MPI: variants seen among roughly 807,000 people sequenced by gnomAD.
MPI encodes the protein mannose-6-phosphate isomerase.
Under a neutral mutation model 40.1 loss-of-function variants are expected in MPI, and 33 were observed. The ratio of observed to expected loss-of-function variants is 0.82; its 90% CI spans 0.62 to 1.10. The LOEUF (loss-of-function observed/expected upper bound fraction) is 1.10, where lower values mean the gene tolerates loss of function less well. Ranked by LOEUF, MPI falls within the 50% of genes least tolerant of loss-of-function variation. MPI has a pLI of 0.00. For synonymous variants in MPI, 187 were observed against 207.4 expected (o/e 0.90, Z 0.85); for missense variants, 514 against 524.1 (o/e 0.98, Z 0.19).
chr15:74,896,523 T>G (rs2064821168), intron 6 of MPI, 198 bp downstream of exon 6: 1 of 709,906 alleles, frequency 1.4e-6, no homozygotes. Flanking sequence ...CCTTGAATCC[T>G]GACACCAACC....
Position 74,891,497 on chromosome 15 carries a change from AC to A in MPI, c.264del (p.Asp88GlufsTer71), listed in dbSNP as rs868127074. The A allele has an allele frequency of 2.5e-6, 4 of 1,614,124 alleles. No individual in the cohort carries two copies. The African/African-American group carries it at 5.3e-5, about 22-fold the overall frequency. On this transcript the variant is annotated frameshift_variant, in exon 3 of 8. Transcript: ENST00000352410. LOFTEE classifies it high-confidence loss of function. ...NQDSLGSKVK[D>X]TFNGNLPFLF... Reference sequence around the variant, plus strand: ...GACAGCTTGGGCTCAAAGGTCAAGGACACCTTTAATGGCAACCTGCCCTTCC... The same window carrying A: ...GACAGCTTGGGCTCAAAGGTCAAGGAACCTTTAATGGCAACCTGCCCTTCC...
chr15:74,895,003 GT>G (rs1219487776), intron 5 of MPI, among the ~76,000 whole-genome samples: 2 of 149,068 alleles, frequency 1.3e-5, no homozygotes, highest in Non-Finnish European at 3.0e-5. Context: ...GTCTCGCTGT[GT>G]CACCCAGGCT....
At chr15:74,894,716 G>A (rs914710497) in intron 5 of MPI, among the ~76,000 whole-genome samples, 2 of 150,954 alleles carry the variant, frequency 1.3e-5, no homozygotes, top group African/African-American at 4.9e-5. Context: ...GAACCCAGGA[G>A]GTGGAGGTTG....
At chr15:74,896,425 A>G (rs1419281646) in intron 6 of MPI, 100 bp downstream of exon 6, 8 of 1,372,504 alleles carry the variant, frequency 5.8e-6, no homozygotes, top group Non-Finnish European at 8.1e-6. Context: ...GAGACCCCCA[A>G]GGACCTTGCA....
rs139228075 is a variant in MPI, at chr15:74,891,537, C to T, written c.303C>T (p.Leu101=). Residue 101 remains leucine (L), a synonymous_variant, in exon 3 of 8, where the codon CTC becomes CTT. Transcript: ENST00000352410. The part of the protein sequence containing the change: ...NGNLPFLFKV[L]SVETPLSIQA... ...ACCTGCCCTTCCTCTTCAAAGTGCT[C>T]TCAGTTGAAACACCCCTGTCCATCC... The T allele has an allele frequency of 3.5e-3, 5,633 of 1,614,188 alleles. 14 individuals are homozygous for T. The highest frequency in any genetic ancestry group is 4.5e-3 in the Non-Finnish European group (5,266 of 1,180,028).
At chr15:74,896,640 G>T (rs745759035) in intron 6 of MPI, 1 of 612,224 alleles carries the variant, frequency 1.6e-6, no homozygotes, top group Non-Finnish European at 2.9e-6. Context: ...CACAGCCTTT[G>T]TATGTCTGTC....
rs994430536 is a variant in MPI at position 74,902,169 on chromosome 15, TCAAA to T, written c.*4442_*4445del. ...GCAAACGGAATTTCTCGAACTGGTC[TCAAA>T]CAGTTTCTTTTTTGGATTGCCAGCT... On this transcript the variant is annotated 3_prime_UTR_variant, in exon 8 of 8. Coordinates refer to ENST00000352410, the MANE Select transcript of MPI (RefSeq NM_002435.3). The T allele has an allele frequency of 9.6e-4, 383 of 398,626 alleles. No individual in the cohort carries two copies. Among genetic ancestry groups the T allele is most frequent in the Non-Finnish European group, 1.3e-3 (296 of 226,108 alleles). 24.7% of individuals were successfully genotyped at this position (398,626 alleles called of 1,614,324 possible).
At position 74,900,466 on chromosome 15, in the gene MPI, T is replaced by G. The variant is rs1444123586; in HGVS notation, c.*2736T>G. 2 of 152,184 alleles carry G rather than the reference T, an allele frequency of 1.3e-5. No individual in the cohort carries two copies. Among genetic ancestry groups the G allele is most frequent in the Non-Finnish European group, 2.9e-5 (2 of 68,092 alleles). The allele number at this position is 152,184 out of a possible 1,614,324, so 9.4% of individuals were successfully genotyped here. A position where few individuals can be genotyped will look rare whatever the true frequency, so the allele number is the denominator to read the frequency against. The stretch of plus-strand genomic sequence containing the variant: ...CCCAGGCCATTCTGCCCTGACCACC[T>G]CCCCAACAGAGATGTAGGTCTATAC... On this transcript the variant is annotated 3_prime_UTR_variant, in exon 8 of 8. Coordinates refer to ENST00000352410, the MANE Select transcript of MPI (RefSeq NM_002435.3).
chr15:74,896,024 G>A (rs1185650141), intron 5 of MPI, 128 bp from the exon 6 acceptor site: 1 of 1,098,740 alleles, frequency 9.1e-7, no homozygotes, highest in Non-Finnish European at 1.4e-6. Flanking sequence ...TGGCCAGAAG[G>A]ACAGGGCCAC....
chr15:74,892,743 C>T lies in MPI; in HGVS notation c.428C>T (p.Thr143Ile). Residue 143 changes from threonine to isoleucine, a missense_variant, in exon 4 of 8, where the codon ACC (threonine) becomes ATC (isoleucine). Thr to Ile is a moderately conservative substitution (Grantham distance 89, BLOSUM62 -1). Coordinates refer to ENST00000352410, the MANE Select transcript of MPI (RefSeq NM_002435.3). ...NHKPEMAIALTPFQGLCGFRP... is the reference protein window; with the variant it reads ...NHKPEMAIALIPFQGLCGFRP... ...AAGCCAGAGATGGCCATTGCCCTCACCCCCTTCCAGGGCTTGTGTGGCTTC... is the reference window on the plus strand; with the variant it reads ...AAGCCAGAGATGGCCATTGCCCTCATCCCCTTCCAGGGCTTGTGTGGCTTC... The T allele has an allele frequency of 6.2e-7, 1 of 1,614,268 alleles. No individual in the cohort carries two copies. The highest frequency in any genetic ancestry group is 8.5e-7 in the Non-Finnish European group (1 of 1,180,044).
At chr15:74,896,930 A>G in intron 6 of MPI, 81 bp from the exon 7 acceptor site, 1 of 1,345,044 alleles carries the variant, frequency 7.4e-7, no homozygotes, top group Admixed American at 1.7e-5. Flanking sequence ...CATGGGGTTC[A>G]TGGAGCTCAG....
chr15:74,892,569 AG>A (rs1478033279), intron 3 of MPI, 91 bp from the exon 4 acceptor site: 1 of 1,558,978 alleles, frequency 6.4e-7, no homozygotes, highest in African/African-American at 1.4e-5. Flanking sequence ...GCAACTGGGG[AG>A]GGTGGACAGC....
intron 6 of MPI, 70 bp from the exon 7 acceptor site, chr15:74,896,941 G>C: frequency 6.8e-7 from 1 of 1,472,770 alleles, no homozygotes; most frequent in Non-Finnish European, 9.5e-7. Flanking sequence ...TGGAGCTCAG[G>C]TTAGGAGGCC....
Position 74,897,790 on chromosome 15 carries a change from T to A in MPI, c.*60T>A. 6.6e-7 allele frequency: 1 copy of A among 1,522,094 alleles called. No individual in the cohort carries two copies. The highest frequency in any genetic ancestry group is 9.1e-7 in the Non-Finnish European group (1 of 1,100,578). 94.3% of individuals were successfully genotyped at this position (1,522,094 alleles called of 1,614,324 possible). A position where few individuals can be genotyped will look rare whatever the true frequency, so the allele number is the denominator to read the frequency against. ...ACCCTAAATTCCAGCCAACCTCACC[T>A]CCTCGGGCCCAGCTCAAGCCCCCTT... is the stretch of plus-strand genomic sequence containing the variant. On this transcript the variant is annotated 3_prime_UTR_variant, in exon 8 of 8. Transcript: ENST00000352410.
At chr15:74,896,862 A>T in intron 6 of MPI, 149 bp from the exon 7 acceptor site, 1 of 756,302 alleles carries the variant, frequency 1.3e-6, no homozygotes, top group Admixed American at 2.0e-5. Flanking sequence ...TTGGTATTTG[A>T]TATCTTAACC....
Position 74,897,199 on chromosome 15 carries a change from T to C in MPI, c.1033T>C (p.Phe345Leu), listed in dbSNP as rs753928739. ...LSIYDPPVPD[F>L]TIMKTEVPGS... ...AATCTATGACCCCCCTGTACCAGAC[T>C]TCACCATTATGAAGACGGAGGTGAG... The change falls in exon 7 of 8, where the codon TTC becomes CTC. Residue 345 changes from phenylalanine to leucine, a missense_variant. Coordinates refer to ENST00000352410, the MANE Select transcript of MPI (RefSeq NM_002435.3). 1.8e-5 allele frequency: 29 copies of C among 1,614,058 alleles called. No homozygotes were observed. Among genetic ancestry groups the C allele is most frequent in the Non-Finnish European group, 4.2e-6 (5 of 1,180,024 alleles).
chr15:74,901,951 C>T lies in MPI; in HGVS notation c.*4221C>T, dbSNP rs770253262. The T allele has an allele frequency of 4.0e-5, 16 of 396,570 alleles. No individual in the cohort carries two copies. The highest frequency in any genetic ancestry group is 5.8e-5 in the Non-Finnish European group (13 of 225,402). 24.6% of individuals were successfully genotyped at this position (396,570 alleles called of 1,614,324 possible). A position where few individuals can be genotyped will look rare whatever the true frequency, so the allele number is the denominator to read the frequency against. ...GCAAACCAGAATCACTAAACTCACC[C>T]GGACGGTTGGACCAGTTGGGGATGC... On this transcript the variant is annotated 3_prime_UTR_variant, in exon 8 of 8. Coordinates refer to ENST00000352410, the MANE Select transcript of MPI (RefSeq NM_002435.3).
chr15:74,896,762 G>A lies in MPI; in HGVS notation c.845-249G>A, dbSNP rs1056765427. 20 of 620,724 alleles carry A rather than the reference G, an allele frequency of 3.2e-5. No individual in the cohort carries two copies. The African/African-American group carries it at 3.7e-4, about 11-fold the overall frequency. The allele number at this position is 620,724 out of a possible 1,614,324, so 38.5% of individuals were successfully genotyped here. A position where few individuals can be genotyped will look rare whatever the true frequency, so the allele number is the denominator to read the frequency against. On this transcript the variant is annotated intron_variant, in intron 6 of 7. Coordinates refer to ENST00000352410, the MANE Select transcript of MPI (RefSeq NM_002435.3). ...GCCTCATGCACAGGATTCTGGGGTA[G>A]AAGTGGGAGACTACAGAGTTGGGGC... is the stretch of plus-strand genomic sequence containing the variant.
chr15:74,894,035 GTTCA>G (rs144127155), intron 5 of MPI, among the ~76,000 whole-genome samples: 13,718 of 81,134 alleles, frequency 0.17, 2,809 homozygotes, highest in Non-Finnish European at 0.32. Flanking sequence ...ATTTTTTTCT[GTTCA>G]GTGTGTGTGT....
Sources: gnomAD v4.1 joint callset for allele counts (sites outside exome capture counted in the v4.1 genomes callset) on GRCh38, gnomAD v4.1.1 for gene constraint, MANE v1.5 for transcripts, NCBI Gene and HGNC (gene_info 2026-07-23, HGNC 2026-07-21) for gene names.